SS18: variants seen among roughly 807,000 people sequenced by gnomAD.
SS18 encodes the protein protein SSXT.
Under a neutral mutation model 72.5 loss-of-function variants are expected in SS18, and 28 were observed. The observed-to-expected ratio is 0.39, with a 90% CI of 0.29 to 0.53. The LOEUF (loss-of-function observed/expected upper bound fraction) is 0.53, where lower values mean the gene tolerates loss of function less well. SS18 is among the 20% of genes least tolerant of loss of function. The pLI is 0.76. For synonymous variants in SS18, 172 were observed against 164.2 expected, an observed-to-expected ratio of 1.05 and a Z score of -0.37; for missense variants, 518 against 535.3, an observed-to-expected ratio of 0.97 and a Z score of 0.32.
At chr18:26,026,750 A>G (rs1019603588) in intron 10 of SS18, among the ~76,000 whole-genome samples, 9 of 152,320 alleles carry the variant, frequency 5.9e-5, no homozygotes, top group African/African-American at 2.2e-4. Context: ...TGAAATCTAC[A>G]AAAACACTAC....
intron 9 of SS18, among the ~76,000 whole-genome samples, chr18:26,032,887 GAGAA>G: frequency 6.6e-6 from 1 of 152,122 alleles, no homozygotes; most frequent in East Asian, 1.9e-4. Context: ...AGAGGAAAAA[GAGAA>G]AGCAAGAGGC....
At position 26,039,329 on chromosome 18, in the gene SS18, C is replaced by G. The variant is rs760197540; in HGVS notation, c.735G>C (p.Met245Ile). Reference sequence around the variant, plus strand: ...TATAGGGAGGAATCTGTCTCTGACCCATCATATGATTGCCTTGGTTAACTT... The same window carrying G: ...TATAGGGAGGAATCTGTCTCTGACCGATCATATGATTGCCTTGGTTAACTT... ...MGQVNQGNHM[M>I]GQRQIPPYRP... The change falls in exon 6 of 11, where the codon ATG (methionine) becomes ATC (isoleucine). Residue 245 changes from methionine (M) to isoleucine (I), a missense_variant. By Grantham distance (10) the Met-to-Ile change is conservative. Coordinates refer to ENST00000415083, the MANE Select transcript of SS18 (RefSeq NM_001007559.3). 2.5e-6 allele frequency: 4 copies of G among 1,613,686 alleles called. No individual in the cohort carries two copies. In the African/African-American group the frequency reaches 5.3e-5, roughly 22 times the overall value.
intron 1 of SS18, 113 bp downstream of exon 1, chr18:26,090,388 A>G: frequency 3.7e-6 from 4 of 1,068,424 alleles, no homozygotes; most frequent in Non-Finnish European, 5.6e-6. Context: ...GCTGATTCCC[A>G]GCAGGCCCGC....
At chr18:26,028,912 T>C (rs1488892008) in intron 10 of SS18, among the ~76,000 whole-genome samples, 4 of 152,164 alleles carry the variant, frequency 2.6e-5, no homozygotes, top group Non-Finnish European at 4.4e-5. Flanking sequence ...TAATGGTATA[T>C]AAATTATACT....
At chr18:26,069,576 G>A (rs369063653) in intron 3 of SS18, among the ~76,000 whole-genome samples, 1 of 150,384 alleles carries the variant, frequency 6.6e-6, no homozygotes, top group African/African-American at 2.4e-5. Flanking sequence ...ATCGATTTAA[G>A]TTACTGGAAG....
At chr18:26,018,465 T>C in intron 10 of SS18, 85 bp from the exon 11 acceptor site, 1 of 1,096,704 alleles carries the variant, frequency 9.1e-7, no homozygotes, top group East Asian at 2.6e-5. Flanking sequence ...TTTCTAACAC[T>C]GTCATACCAC....
chr18:26,033,519 A>C (rs2053578962), intron 9 of SS18, among the ~76,000 whole-genome samples: 2 of 152,246 alleles, frequency 1.3e-5, no homozygotes, highest in South Asian at 2.1e-4. Context: ...TCCAAAAAAA[A>C]AAAAAAAGCA....
intron 2 of SS18, among the ~76,000 whole-genome samples, chr18:26,083,029 T>C (rs2054553966): frequency 6.6e-6 from 1 of 152,202 alleles, no homozygotes; most frequent in Non-Finnish European, 1.5e-5. Flanking sequence ...CAAGAACACC[T>C]GTTAAGGTCG....
chr18:26,073,880 T>C (rs567809977), intron 3 of SS18, among the ~76,000 whole-genome samples: 2 of 152,316 alleles, frequency 1.3e-5, no homozygotes, highest in South Asian at 2.1e-4. Flanking sequence ...GAAAGAACAA[T>C]TGTTAACTGT....
At chr18:26,019,948 A>C (rs1480071322) in intron 10 of SS18, among the ~76,000 whole-genome samples, 1 of 152,140 alleles carries the variant, frequency 6.6e-6, no homozygotes, top group East Asian at 1.9e-4. Context: ...CTCTGAAAAA[A>C]ATAGTGTAGA....
intron 3 of SS18, among the ~76,000 whole-genome samples, chr18:26,071,964 G>GA (rs921595412): frequency 4.0e-5 from 6 of 150,160 alleles, no homozygotes; most frequent in East Asian, 3.9e-4. Context: ...TTTAGGAGGT[G>GA]AAAAAAAAAG....
intron 3 of SS18, among the ~76,000 whole-genome samples, chr18:26,071,899 C>T (rs986908873): frequency 5.3e-5 from 8 of 151,288 alleles, no homozygotes; most frequent in African/African-American, 1.5e-4. Context: ...AACAAAAATA[C>T]TGAAGGTATG....
chr18:26,038,024 A>C (rs1393263928), intron 7 of SS18, among the ~76,000 whole-genome samples: 1 of 152,168 alleles, frequency 6.6e-6, no homozygotes, highest in African/African-American at 2.4e-5. Flanking sequence ...CTATATGGCT[A>C]TATTATGGAT....
chr18:26,072,215 G>C (rs562813409), intron 3 of SS18, among the ~76,000 whole-genome samples: 1 of 151,938 alleles, frequency 6.6e-6, no homozygotes, highest in African/African-American at 2.4e-5. Context: ...AATCTATACA[G>C]TAACCACTAA....
In SS18 at chr18:26,090,485, C is replaced by T; in HGVS notation, c.69+16G>A. 1.3e-6 allele frequency: 2 copies of T among 1,560,268 alleles called. No individual in the cohort carries two copies. The highest frequency in any genetic ancestry group is 1.7e-6 in the Non-Finnish European group (2 of 1,152,270). On this transcript the variant is annotated intron_variant, in intron 1 of 10. Transcript: ENST00000415083. ...GGCGGTAAGGGCCTGGCATCCGCAA[C>T]CCCGCGCGGTTTCACCTTCTGAATC...
At chr18:26,055,103 G>A (rs568196166) in intron 4 of SS18, among the ~76,000 whole-genome samples, 7 of 152,086 alleles carry the variant, frequency 4.6e-5, no homozygotes, top group South Asian at 2.1e-4. Context: ...GAGAGGTGGC[G>A]GCTAGGCATC....
chr18:26,069,167 T>C (rs914723353), intron 3 of SS18, among the ~76,000 whole-genome samples: 1 of 152,202 alleles, frequency 6.6e-6, no homozygotes, highest in Non-Finnish European at 1.5e-5. Context: ...TCCTCCAATG[T>C]GTACCTATAT....
In SS18 at chr18:26,087,482, AG is replaced by A. The variant is rs756934191; in HGVS notation, c.146+18del. The A allele has an allele frequency of 6.9e-7, 1 of 1,457,630 alleles. No homozygotes were observed. Among genetic ancestry groups the A allele is most frequent in the Non-Finnish European group, 9.4e-7 (1 of 1,060,186 alleles). The allele number at this position is 1,457,630 out of a possible 1,614,324, so 90.3% of individuals were successfully genotyped here. The stretch of plus-strand genomic sequence containing the variant: ...AATACAAAAAACTGAATAAAAAAAA[AG>A]TTTCTTATCAATCTTACTGAGAACA... On this transcript the variant is annotated intron_variant, in intron 2 of 10. Coordinates refer to ENST00000415083, the MANE Select transcript of SS18 (RefSeq NM_001007559.3).
At chr18:26,084,553 C>T (rs910852608) in intron 2 of SS18, among the ~76,000 whole-genome samples, 3 of 151,384 alleles carry the variant, frequency 2.0e-5, no homozygotes, top group Non-Finnish European at 4.4e-5. Context: ...TAAGATACCA[C>T]CTTAACTAAG....
Sources: gnomAD v4.1 joint callset for allele counts (sites outside exome capture counted in the v4.1 genomes callset) on GRCh38, gnomAD v4.1.1 for gene constraint, MANE v1.5 for transcripts, NCBI Gene and HGNC (gene_info 2026-07-23, HGNC 2026-07-21) for gene names.